Variants in PRELID2 observed in about 807,000 individuals in gnomAD.
PRELID2 encodes the protein PRELI domain containing 2, also known as PRELI domain-containing protein 2.
Under a neutral mutation model 28.4 loss-of-function variants are expected in PRELID2, and 25 were observed. The ratio of observed to expected loss-of-function variants is 0.88; its 90% CI spans 0.64 to 1.23. The LOEUF (loss-of-function observed/expected upper bound fraction) is 1.23, where lower values mean the gene tolerates loss of function less well. Among genes scored for constraint, PRELID2 ranks in the 50% most tolerant of loss-of-function variants. The pLI, the probability that PRELID2 is intolerant of heterozygous loss-of-function variation, is 0.00. For synonymous variants in PRELID2, 76 were observed against 71.6 expected (o/e 1.06, Z -0.31); for missense variants, 201 against 214.4 (o/e 0.94, Z 0.39).
intron 4 of PRELID2, among the ~76,000 whole-genome samples, chr5:145,799,825 G>A (rs983810504): frequency 3.9e-5 from 6 of 152,108 alleles, no homozygotes; most frequent in African/African-American, 7.2e-5. Flanking sequence ...CCAAGTACTC[G>A]GTATAGATTA....
At chr5:145,310,497 T>C in the PRELID2 span, among the ~76,000 whole-genome samples, 1 of 152,194 alleles carries the variant, frequency 6.6e-6, no homozygotes, top group Non-Finnish European at 1.5e-5. Flanking sequence ...ACTGTCAAAA[T>C]GGTCATGATT....
intron 1 of PRELID2, among the ~76,000 whole-genome samples, chr5:145,484,733 A>G (rs952770837): frequency 6.6e-6 from 1 of 152,234 alleles, no homozygotes; most frequent in Non-Finnish European, 1.5e-5. Flanking sequence ...AAATTAACTT[A>G]AAAGTTAAGA....
At chr5:145,557,243 G>A (rs560823888) in intron 1 of PRELID2, among the ~76,000 whole-genome samples, 9 of 152,288 alleles carry the variant, frequency 5.9e-5, no homozygotes, top group African/African-American at 1.9e-4. Context: ...GCATAAGTTT[G>A]CCCAAGCTGG....
chr5:145,336,726 T>C, the PRELID2 span, among the ~76,000 whole-genome samples: 3,894 of 151,980 alleles, frequency 0.026, 164 homozygotes, highest in African/African-American at 0.089. Context: ...TGTCCAACAA[T>C]GATAGACTGG....
intron 1 of PRELID2, among the ~76,000 whole-genome samples, chr5:145,563,313 G>A (rs943275383): frequency 1.1e-4 from 17 of 152,244 alleles, no homozygotes; most frequent in African/African-American, 4.1e-4. Context: ...TCAATAAAGA[G>A]CCAAGAAATG....
chr5:145,617,596 G>A (rs977974749), intron 1 of PRELID2, among the ~76,000 whole-genome samples: 2 of 151,950 alleles, frequency 1.3e-5, no homozygotes, highest in African/African-American at 4.8e-5. Flanking sequence ...GAGTTAATTC[G>A]AAGGCCTTGT....
chr5:145,804,674 T>C (rs1171719173), intron 4 of PRELID2, among the ~76,000 whole-genome samples: 4 of 152,048 alleles, frequency 2.6e-5, no homozygotes, highest in African/African-American at 7.3e-5. Context: ...TTAAAAAAAC[T>C]GAGGTTCCAA....
chr5:145,353,432 C>T, the PRELID2 span, among the ~76,000 whole-genome samples: 1 of 151,540 alleles, frequency 6.6e-6, no homozygotes, highest in African/African-American at 2.4e-5. Context: ...CACTGCACTA[C>T]AGCTTGGGTG....
chr5:145,690,070 A>G (rs374607367), intron 1 of PRELID2, among the ~76,000 whole-genome samples: 40 of 148,856 alleles, frequency 2.7e-4, no homozygotes, highest in African/African-American at 9.5e-4. Flanking sequence ...ACTCACTGCA[A>G]CCTCCACCTC....
intron 5 of PRELID2, among the ~76,000 whole-genome samples, chr5:145,773,104 G>A (rs1758209522): frequency 6.6e-6 from 1 of 152,080 alleles, no homozygotes; most frequent in South Asian, 2.1e-4. Context: ...TCTCCTTAAA[G>A]AGAATATTTA....
chr5:145,541,296 G>T (rs1195020549), intron 1 of PRELID2, among the ~76,000 whole-genome samples: 1 of 152,102 alleles, frequency 6.6e-6, no homozygotes, highest in Non-Finnish European at 1.5e-5. Flanking sequence ...GCAAAGCACA[G>T]TTGAAAATAT....
intron 1 of PRELID2, among the ~76,000 whole-genome samples, chr5:145,475,348 C>A (rs967491307): frequency 1.3e-5 from 2 of 152,048 alleles, no homozygotes; most frequent in African/African-American, 4.8e-5. Flanking sequence ...GTTACCAGGG[C>A]CCAGAAAATA....
intron 1 of PRELID2, among the ~76,000 whole-genome samples, chr5:145,640,643 CAAAA>C (rs750960595): frequency 1.4e-5 from 1 of 73,868 alleles, no homozygotes. Context: ...GACTCTGTCT[CAAAA>C]AAAAAAAAAA....
the PRELID2 span, among the ~76,000 whole-genome samples, chr5:145,421,211 C>T: frequency 8.0e-5 from 12 of 149,760 alleles, no homozygotes; most frequent in South Asian, 4.2e-4. Context: ...TGTTGTGTCT[C>T]TGCCTGGCTT....
chr5:145,308,472 T>C, the PRELID2 span, among the ~76,000 whole-genome samples: 1 of 152,230 alleles, frequency 6.6e-6, no homozygotes, highest in African/African-American at 2.4e-5. Flanking sequence ...GAATTTCTTC[T>C]GACTATACTG....
the PRELID2 span, among the ~76,000 whole-genome samples, chr5:145,242,474 A>C: frequency 6.6e-6 from 1 of 152,056 alleles, no homozygotes; most frequent in African/African-American, 2.4e-5. Flanking sequence ...ACTGTAATTC[A>C]GAGATATTAA....
intron 1 of PRELID2, among the ~76,000 whole-genome samples, chr5:145,745,230 G>A (rs1756956631): frequency 6.6e-6 from 1 of 152,146 alleles, no homozygotes; most frequent in Admixed American, 6.5e-5. Context: ...CCAAACCTAT[G>A]ATAGACTGGA....
At chr5:145,738,382 AATT>A in intron 1 of PRELID2, among the ~76,000 whole-genome samples, 1 of 152,346 alleles carries the variant, frequency 6.6e-6, no homozygotes, top group East Asian at 1.9e-4. Context: ...GACACATTAG[AATT>A]ATGTGGCAAA....
chr5:145,819,874 G>T, intron 3 of PRELID2, 71 bp downstream of exon 3: 3 of 967,144 alleles, frequency 3.1e-6, no homozygotes, highest in Non-Finnish European at 5.0e-6. Flanking sequence ...ATCAGAAAAT[G>T]CTGTTCCTTT....
Sources: gnomAD v4.1 joint callset for allele counts (sites outside exome capture counted in the v4.1 genomes callset) on GRCh38, gnomAD v4.1.1 for gene constraint, MANE v1.5 for transcripts, NCBI Gene and HGNC (gene_info 2026-07-23, HGNC 2026-07-21) for gene names.